Variants in DGKB observed in about 807,000 individuals in gnomAD.
DGKB encodes 90 kDa diacylglycerol kinase.
A neutral mutation model predicts 114.3 loss-of-function variants in DGKB; 67 were observed. The ratio of observed to expected loss-of-function variants is 0.59; its 90% CI spans 0.48 to 0.72. DGKB has a LOEUF of 0.72. Ranked by LOEUF, DGKB falls within the 30% of genes least tolerant of loss-of-function variation. The probability of loss-of-function intolerance (pLI) is 0.00; values close to 1 mark genes in which losing one functional copy is unlikely to be tolerated. For missense variants in DGKB, 907 were observed against 975.2 expected (o/e 0.93, Z 0.93); for synonymous variants, 398 against 323.1 (o/e 1.23, Z -2.49).
intron 1 of DGKB, among the ~76,000 whole-genome samples, chr7:14,919,770 G>C (rs1272644611): frequency 6.6e-6 from 1 of 152,108 alleles, no homozygotes; most frequent in Non-Finnish European, 1.5e-5. Context: ...GAATGGCTTG[G>C]TGCCATCCCC....
chr7:14,341,571 A>G (rs1323997470), intron 22 of DGKB, among the ~76,000 whole-genome samples: 1 of 151,932 alleles, frequency 6.6e-6, no homozygotes, highest in Non-Finnish European at 1.5e-5. Flanking sequence ...GGTCGTTAAC[A>G]TATAGTACTA....
chr7:14,532,348 C>G (rs1207813859), intron 20 of DGKB, among the ~76,000 whole-genome samples: 1 of 150,966 alleles, frequency 6.6e-6, no homozygotes, highest in Non-Finnish European at 1.5e-5. Flanking sequence ...AGATTGTCAG[C>G]TAGGATACAA....
chr7:14,161,799 G>A (rs192389565), intron 25 of DGKB, among the ~76,000 whole-genome samples: 232 of 151,750 alleles, frequency 1.5e-3, no homozygotes, highest in African/African-American at 5.0e-3. Context: ...CATGGATCCT[G>A]GAACTTAAAG....
intron 2 of DGKB, among the ~76,000 whole-genome samples, chr7:14,783,149 G>T (rs755167244): frequency 7.9e-5 from 12 of 152,134 alleles, no homozygotes; most frequent in Non-Finnish European, 1.8e-4. Context: ...TCCCTGGTAA[G>T]TAATAAACAT....
At chr7:14,654,625 G>C (rs1238183598) in intron 13 of DGKB, among the ~76,000 whole-genome samples, 2 of 151,854 alleles carry the variant, frequency 1.3e-5, no homozygotes, top group Non-Finnish European at 2.9e-5. Context: ...TGACTTCCAA[G>C]TATATCACAA....
rs78963198 is a variant in DGKB at position 14,900,148 on chromosome 7, T to C, written c.-188+2444A>G. On this transcript the variant is annotated intron_variant, in intron 1 of 25. Transcript: ENST00000402815. ...ACGAACAAAGCACATGAGAAAATAA[T>C]CCAGGGCTATCAAGTAGTTGAACCT... 2.3e-4 allele frequency among the ~76,000 whole-genome samples: 35 copies of C among 152,208 alleles called. No homozygotes were observed. In the East Asian group the frequency reaches 6.8e-3, roughly 29 times the overall value.
chr7:14,434,618 C>G (rs1004330183), intron 21 of DGKB, among the ~76,000 whole-genome samples: 2 of 152,098 alleles, frequency 1.3e-5, no homozygotes, highest in African/African-American at 4.8e-5. Context: ...TCAGTGAGAC[C>G]TGTGTTGAAT....
At chr7:14,271,006 T>A (rs960648467) in intron 23 of DGKB, among the ~76,000 whole-genome samples, 8 of 152,202 alleles carry the variant, frequency 5.3e-5, no homozygotes, top group African/African-American at 1.7e-4. Flanking sequence ...TACTAACGTG[T>A]TAACTGTTAC....
At chr7:14,472,571 C>G (rs1178889250) in intron 21 of DGKB, among the ~76,000 whole-genome samples, 2 of 152,048 alleles carry the variant, frequency 1.3e-5, no homozygotes, top group Non-Finnish European at 2.9e-5. Flanking sequence ...GAAAAGATAC[C>G]CAAAAATGTG....
chr7:14,228,292 A>G (rs550341877), intron 23 of DGKB, among the ~76,000 whole-genome samples: 161 of 152,152 alleles, frequency 1.1e-3, no homozygotes, highest in African/African-American at 3.8e-3. Flanking sequence ...ACAGTGAAGG[A>G]CAAAGACAAA....
chr7:14,848,528 T>C lies in DGKB; in HGVS notation c.-187-7078A>G, dbSNP rs188251394. Among the ~76,000 whole-genome samples the C allele has an allele frequency of 2.0e-3, 302 of 152,334 alleles. 2 individuals carry two copies. The South Asian group carries it at 0.023, about 12-fold the overall frequency. On this transcript the variant is annotated intron_variant, in intron 1 of 25. Transcript: ENST00000402815. ...GGTATAATATTATCAGTTTTCTATA[T>C]AGATGATATTTCAAGAATTGGGAAT...
At chr7:14,863,784 T>A (rs796308909) in intron 1 of DGKB, among the ~76,000 whole-genome samples, 1 of 151,900 alleles carries the variant, frequency 6.6e-6, no homozygotes. Flanking sequence ...GGGCAGTATA[T>A]GTTAAATTAA....
At chr7:14,647,460 C>T (rs1218994328) in intron 13 of DGKB, among the ~76,000 whole-genome samples, 2 of 151,972 alleles carry the variant, frequency 1.3e-5, no homozygotes, top group East Asian at 3.9e-4. Context: ...AAAAATAGAC[C>T]ATACTTCTTA....
intron 23 of DGKB, among the ~76,000 whole-genome samples, chr7:14,306,294 G>A (rs1032678878): frequency 1.6e-4 from 25 of 151,986 alleles, no homozygotes; most frequent in Middle Eastern, 3.4e-3. Flanking sequence ...GCATAACACC[G>A]AAAGAAAGTA....
At chr7:14,842,274 C>T (rs568715241) in intron 1 of DGKB, among the ~76,000 whole-genome samples, 8 of 152,300 alleles carry the variant, frequency 5.3e-5, no homozygotes, top group Admixed American at 2.0e-4. Flanking sequence ...ACAGACAAGA[C>T]TCATTTGGTC....
At chr7:14,814,355 T>C (rs970479404) in intron 2 of DGKB, among the ~76,000 whole-genome samples, 9 of 151,878 alleles carry the variant, frequency 5.9e-5, no homozygotes, top group African/African-American at 2.2e-4. Flanking sequence ...TGGAAAAAAA[T>C]GGGATTTTTA....
At chr7:14,753,448 A>G (rs1564105559) in intron 4 of DGKB, among the ~76,000 whole-genome samples, 3 of 152,280 alleles carry the variant, frequency 2.0e-5, no homozygotes, top group South Asian at 2.1e-4. Context: ...CCAGGAGGGC[A>G]AAATCAACAA....
chr7:14,911,785 A>AT (rs1193504278), intron 1 of DGKB, among the ~76,000 whole-genome samples: 2 of 152,222 alleles, frequency 1.3e-5, no homozygotes, highest in African/African-American at 4.8e-5. Context: ...TTGACTTCAG[A>AT]TGGGAGACCA....
intron 2 of DGKB, among the ~76,000 whole-genome samples, chr7:14,839,753 T>C (rs1206940653): frequency 2.6e-5 from 4 of 152,150 alleles, no homozygotes; most frequent in African/African-American, 4.8e-5. Flanking sequence ...CCATAAGTTA[T>C]GTCAAAATTT....
Sources: gnomAD v4.1 joint callset for allele counts (sites outside exome capture counted in the v4.1 genomes callset) on GRCh38, gnomAD v4.1.1 for gene constraint, MANE v1.5 for transcripts, NCBI Gene and HGNC (gene_info 2026-07-23, HGNC 2026-07-21) for gene names.